Variants in ZNF705G observed in about 807,000 individuals in gnomAD.
The protein encoded by ZNF705G is zinc finger protein 705G.
In ZNF705G, 23 loss-of-function variants were observed where a neutral mutation model predicts 19.6. The ratio of observed to expected loss-of-function variants is 1.17; its 90% CI spans 0.84 to 1.66. The LOEUF (loss-of-function observed/expected upper bound fraction) is 1.66, where lower values mean the gene tolerates loss of function less well. Among genes scored for constraint, ZNF705G ranks in the 40% most tolerant of loss-of-function variants. The pLI, the probability that ZNF705G is intolerant of heterozygous loss-of-function variation, is 0.00. For synonymous variants in ZNF705G, 146 were observed against 117.7 expected, an observed-to-expected ratio of 1.24 and a Z score of -1.56; for missense variants, 457 against 354.4, an observed-to-expected ratio of 1.29 and a Z score of -2.32.
At chr8:7,364,345 A>C (rs28694201) in intron 2 of ZNF705G, among the ~76,000 whole-genome samples, 3,464 of 149,484 alleles carry the variant, frequency 0.023, 453 homozygotes, top group African/African-American at 0.084. Context: ...TTACTGACCC[A>C]TTTGTACATG....
In ZNF705G at chr8:7,358,105, A is replaced by C. The variant is rs376848739; in HGVS notation, c.774T>G (p.Cys258Trp). The C allele has an allele frequency of 4.9e-4, 791 of 1,607,730 alleles. 106 individuals are homozygous for C. The African/African-American group carries it at 0.01, about 20-fold the overall frequency. ...GACTAAAGGCTTTCCCACTTTTATC[A>C]CATTCATAACACTTTTTTCCAAGGT... ...RTHLGKKCYE[C>W]DKSGKAFSQS... The change falls in exon 7 of 7, where the codon TGT becomes TGG. Residue 258 changes from cysteine (C) to tryptophan (W), a missense_variant. Cys to Trp is a radical substitution (Grantham distance 215). Transcript: ENST00000400156.
intron 6 of ZNF705G, 34 bp from the exon 7 acceptor site, chr8:7,358,594 T>C (rs1373132623): frequency 6.2e-7 from 1 of 1,605,764 alleles, no homozygotes; most frequent in Admixed American, 1.7e-5. Context: ...CTTAATGGTT[T>C]ACCCACATAT....
In ZNF705G at chr8:7,383,477, C is replaced by T. The variant is rs369580362; in HGVS notation, c.-221-1876G>A. Reference sequence around the variant, plus strand: ...GTACCTAGCAGAGACGAGGTACTCACGTATTTGTTTAAACAAATGAAACTT... The same window carrying T: ...GTACCTAGCAGAGACGAGGTACTCATGTATTTGTTTAAACAAATGAAACTT... On this transcript the variant is annotated intron_variant, in intron 1 of 6. Coordinates refer to ENST00000400156, the MANE Select transcript of ZNF705G (RefSeq NM_001164457.3). Among the ~76,000 whole-genome samples, 8 of 146,448 alleles carry T rather than the reference C, an allele frequency of 5.5e-5. 1 individual carries two copies. Among genetic ancestry groups the T allele is most frequent in the South Asian group, 4.2e-4 (2 of 4,748 alleles).
rs1807471169 is a variant in ZNF705G at position 7,381,019 on chromosome 8, C to CAA, written c.-72+432_-72+433insTT. Among the ~76,000 whole-genome samples the CAA allele has an allele frequency of 5.8e-4, 20 of 34,780 alleles. 4 individuals carry two copies. Among genetic ancestry groups the CAA allele is most frequent in the African/African-American group, 2.0e-3 (8 of 3,928 alleles). 22.8% of individuals were successfully genotyped at this position (34,780 alleles called of 152,430 possible). A position where few individuals can be genotyped will look rare whatever the true frequency, so the allele number is the denominator to read the frequency against. On this transcript the variant is annotated intron_variant, in intron 2 of 6. Transcript: ENST00000400156. ...CTACAGAGCTAGACTCTGTCTCAAA[C>CAA]CACCACCAAAAAAAAAAAAAAAAAA...
intron 5 of ZNF705G, among the ~76,000 whole-genome samples, chr8:7,359,910 A>C (rs1354270755): frequency 6.7e-6 from 1 of 149,592 alleles, no homozygotes; most frequent in Admixed American, 6.6e-5. Context: ...AAGAGTTAAA[A>C]TGGAGATGAG....
At chr8:7,370,447 G>A (rs914500423) in intron 2 of ZNF705G, among the ~76,000 whole-genome samples, 1 of 149,544 alleles carries the variant, frequency 6.7e-6, no homozygotes, top group African/African-American at 2.6e-5. Flanking sequence ...TGTATAACAA[G>A]TATTAGTGAG....
chr8:7,383,369 C>T (rs1382828929), intron 1 of ZNF705G, among the ~76,000 whole-genome samples: 2 of 146,570 alleles, frequency 1.4e-5, no homozygotes, highest in Non-Finnish European at 1.5e-5. Context: ...TATATTGTTT[C>T]TACATCTCTC....
rs1240187305 is a variant in ZNF705G, at chr8:7,379,540, A to T, written c.-72+1912T>A. 2.3e-4 allele frequency among the ~76,000 whole-genome samples: 34 copies of T among 147,354 alleles called. 1 individual carries two copies. The highest frequency in any genetic ancestry group is 3.4e-3 in the Middle Eastern group (1 of 290). Reference sequence around the variant, plus strand: ...AATCATACCTTGAAGAGGGCATGAAAGAGGGCACTAGAATTCAGCAGCAAA... The same window carrying T: ...AATCATACCTTGAAGAGGGCATGAATGAGGGCACTAGAATTCAGCAGCAAA... On this transcript the variant is annotated intron_variant, in intron 2 of 6. Transcript: ENST00000400156.
intron 2 of ZNF705G, among the ~76,000 whole-genome samples, chr8:7,366,235 G>T (rs1474696834): frequency 2.0e-5 from 3 of 148,554 alleles, no homozygotes; most frequent in Non-Finnish European, 4.4e-5. Flanking sequence ...AGGATTGCAA[G>T]CCTCTCATGG....
chr8:7,362,719 T>C (rs1401642510), intron 3 of ZNF705G, among the ~76,000 whole-genome samples: 1 of 149,530 alleles, frequency 6.7e-6, no homozygotes, highest in Non-Finnish European at 1.5e-5. Context: ...TGACACACGA[T>C]ACCCAACCTA....
intron 1 of ZNF705G, among the ~76,000 whole-genome samples, chr8:7,384,429 A>G (rs1297870376): frequency 1.4e-5 from 2 of 145,706 alleles, no homozygotes; most frequent in East Asian, 3.9e-4. Flanking sequence ...ACATTTCTCA[A>G]AAAAAGACAT....
chr8:7,361,189 C>T lies in ZNF705G; in HGVS notation c.60G>A (p.Glu20=). 1 of 1,593,090 alleles carries T rather than the reference C, an allele frequency of 6.3e-7. No individual in the cohort carries two copies. The highest frequency in any genetic ancestry group is 8.5e-7 in the Non-Finnish European group (1 of 1,179,442). The change falls in exon 4 of 7, where the codon GAG becomes GAA. Residue 20 remains glutamate (E), a synonymous_variant. Transcript: ENST00000400156. ...EDVAIDFTQE[E]WAMMDTSKRK... is the part of the protein sequence containing the mutation. ...TCTTGGATGTGTCCATCATGGCCCA[C>T]TCTTCCTGGGTGAAGTCAATAGCTA...
At chr8:7,369,745 A>G (rs1215532232) in intron 2 of ZNF705G, among the ~76,000 whole-genome samples, 1 of 149,488 alleles carries the variant, frequency 6.7e-6, no homozygotes, top group Non-Finnish European at 1.5e-5. Flanking sequence ...TTGCACCAAC[A>G]TGGATGCAGC....
At chr8:7,383,043 C>A (rs1361218276) in intron 1 of ZNF705G, among the ~76,000 whole-genome samples, 1 of 148,402 alleles carries the variant, frequency 6.7e-6, no homozygotes, top group African/African-American at 2.6e-5. Context: ...TTTTGGAAAA[C>A]CACCCATTTT....
At chr8:7,359,243 C>T (rs1179508915) in intron 6 of ZNF705G, among the ~76,000 whole-genome samples, 1 of 149,702 alleles carries the variant, frequency 6.7e-6, no homozygotes, top group Non-Finnish European at 1.5e-5. Flanking sequence ...AATAAATCTC[C>T]TAAAATGATT....
At position 7,362,884 on chromosome 8, in the gene ZNF705G, T is replaced by C. The variant is rs1425911302; in HGVS notation, c.12+51A>G. On this transcript the variant is annotated intron_variant, in intron 3 of 6. Coordinates refer to ENST00000400156, the MANE Select transcript of ZNF705G (RefSeq NM_001164457.3). ...ATGCAAATTGGAGAAAACTGCCCAT[T>C]TGCCAGCAATATGGGTATAATTTCA... 4.5e-6 allele frequency: 7 copies of C among 1,564,416 alleles called. No individual in the cohort carries two copies. The East Asian group carries it at 1.6e-4, about 35-fold the overall frequency.
intron 2 of ZNF705G, among the ~76,000 whole-genome samples, chr8:7,376,543 T>C (rs1341627357): frequency 4.3e-5 from 5 of 117,136 alleles, no homozygotes; most frequent in Non-Finnish European, 8.6e-5. Context: ...AGAGCGGTGA[T>C]ATCTTAGGAC....
At chr8:7,369,249 A>T (rs1216072652) in intron 2 of ZNF705G, among the ~76,000 whole-genome samples, 1 of 149,486 alleles carries the variant, frequency 6.7e-6, no homozygotes, top group African/African-American at 2.6e-5. Context: ...ACAGAGCCAA[A>T]CCATATCAGA....
In ZNF705G at chr8:7,376,392, GA is replaced by G. The variant is rs373232401; in HGVS notation, c.-72+5059del. 2.5e-4 allele frequency among the ~76,000 whole-genome samples: 18 copies of G among 70,924 alleles called. 2 individuals carry two copies. The highest frequency in any genetic ancestry group is 2.3e-3 in the East Asian group (5 of 2,176). The allele number at this position is 70,924 out of a possible 152,430, so 46.5% of individuals were successfully genotyped here. On this transcript the variant is annotated intron_variant, in intron 2 of 6. Coordinates refer to ENST00000400156, the MANE Select transcript of ZNF705G (RefSeq NM_001164457.3). ...GAATTGGCTTTTGTGTTCCAGAATA[GA>G]AAAAAAAAAGTGCTGGTTTTTATAC...
Sources: allele counts gnomAD v4.1 joint callset (sites outside exome capture counted in the v4.1 genomes callset), GRCh38; gene constraint gnomAD v4.1.1; transcripts MANE v1.5; gene names NCBI Gene and HGNC (gene_info 2026-07-23, HGNC 2026-07-21).